The following ZNF385D variants were observed in gnomAD, a reference collection of about 807,000 sequenced individuals.
The protein encoded by ZNF385D is zinc finger protein 659.
Under a neutral mutation model 35.8 loss-of-function variants are expected in ZNF385D, and 15 were observed. That is an observed-to-expected ratio of 0.42 (90% CI 0.28 to 0.64). The LOEUF (loss-of-function observed/expected upper bound fraction) is 0.64, where lower values mean the gene tolerates loss of function less well. Ranked by LOEUF, ZNF385D falls within the 30% of genes least tolerant of loss-of-function variation. The probability of loss-of-function intolerance (pLI) is 0.23; values close to 1 mark genes in which losing one functional copy is unlikely to be tolerated. For missense variants in ZNF385D, 474 were observed against 494.6 expected, an observed-to-expected ratio of 0.96 and a Z score of 0.39; for synonymous variants, 212 against 186.8, an observed-to-expected ratio of 1.13 and a Z score of -1.10.
chr3:21,504,576 C>T (rs1471338796), intron 4 of ZNF385D, among the ~76,000 whole-genome samples: 2 of 152,050 alleles, frequency 1.3e-5, no homozygotes, highest in Non-Finnish European at 2.9e-5. Context: ...GAGGCATGCC[C>T]TCTAGCAATG....
At chr3:21,582,385 T>C (rs1575245386) in intron 2 of ZNF385D, among the ~76,000 whole-genome samples, 1 of 152,180 alleles carries the variant, frequency 6.6e-6, no homozygotes, top group East Asian at 1.9e-4. Context: ...TCTCCAACAG[T>C]TGACTTGCTT....
intron 3 of ZNF385D, among the ~76,000 whole-genome samples, chr3:22,141,000 A>G (rs754204893): frequency 7.2e-5 from 11 of 152,358 alleles, no homozygotes; most frequent in South Asian, 2.1e-4. Context: ...CACAAATTGT[A>G]TATCAATATC....
chr3:21,859,383 G>A (rs1234235895), intron 3 of ZNF385D, among the ~76,000 whole-genome samples: 1 of 150,718 alleles, frequency 6.6e-6, no homozygotes, highest in Non-Finnish European at 1.5e-5. Context: ...CTCTTAAGTA[G>A]TTAGTTGTCT....
chr3:21,719,299 G>A (rs995664705), intron 1 of ZNF385D, among the ~76,000 whole-genome samples: 2 of 152,174 alleles, frequency 1.3e-5, no homozygotes, highest in African/African-American at 4.8e-5. Context: ...ATACTGGTAA[G>A]AAGTGTCATA....
chr3:21,777,063 C>T (rs1267060541), intron 3 of ZNF385D, among the ~76,000 whole-genome samples: 3 of 151,942 alleles, frequency 2.0e-5, no homozygotes, highest in African/African-American at 4.8e-5. Flanking sequence ...CACATGGGAC[C>T]GTGTTGCCAA....
intron 3 of ZNF385D, among the ~76,000 whole-genome samples, chr3:21,936,432 G>T (rs1370217909): frequency 6.6e-6 from 1 of 151,352 alleles, no homozygotes; most frequent in East Asian, 1.9e-4. Context: ...TCTGTGCAAA[G>T]CAGCTTTTTC....
chr3:22,135,733 C>T (rs1704060030), intron 3 of ZNF385D, among the ~76,000 whole-genome samples: 1 of 152,146 alleles, frequency 6.6e-6, no homozygotes, highest in South Asian at 2.1e-4. Flanking sequence ...TTAAGACTTA[C>T]TATAGAACTA....
intron 2 of ZNF385D, among the ~76,000 whole-genome samples, chr3:21,588,002 A>G (rs1194191021): frequency 6.6e-6 from 1 of 152,172 alleles, no homozygotes. Context: ...TCAGTTTATA[A>G]TGACTACATT....
Position 21,483,396 on chromosome 3 carries a change from A to G in ZNF385D, c.439+27465T>C, listed in dbSNP as rs898251588. On this transcript the variant is annotated intron_variant, in intron 4 of 7. Coordinates refer to ENST00000281523, the MANE Select transcript of ZNF385D (RefSeq NM_024697.3). ...TTAATCCACTTGCCCAATGAAAGAC[A>G]GGTTGTTTCTACTGTATGTGAGGAT... is the stretch of plus-strand genomic sequence containing the variant. Among the ~76,000 whole-genome samples, 3 of 152,294 alleles carry G rather than the reference A, an allele frequency of 2.0e-5. No homozygotes were observed. The East Asian group carries it at 5.8e-4, about 29-fold the overall frequency.
At chr3:21,760,107 C>T (rs549045078) in intron 3 of ZNF385D, among the ~76,000 whole-genome samples, 41 of 152,248 alleles carry the variant, frequency 2.7e-4, no homozygotes, top group African/African-American at 7.2e-4. Context: ...TTCATTATCT[C>T]TCAATCTCGT....
At chr3:22,258,826 G>T (rs983902123) in intron 2 of ZNF385D, among the ~76,000 whole-genome samples, 1 of 151,498 alleles carries the variant, frequency 6.6e-6, no homozygotes, top group Non-Finnish European at 1.5e-5. Flanking sequence ...ATAAAAAATA[G>T]AAAAATAGCA....
At chr3:21,496,606 T>TATATATCATATATATATAC (rs1380121208) in intron 4 of ZNF385D, among the ~76,000 whole-genome samples, 2 of 148,430 alleles carry the variant, frequency 1.3e-5, no homozygotes, top group African/African-American at 4.9e-5. Flanking sequence ...ATATCTGATA[T>TATATATCATATATATATAC]ACTTCAGGTC....
intron 3 of ZNF385D, among the ~76,000 whole-genome samples, chr3:21,885,989 T>C (rs1698527917): frequency 6.6e-6 from 1 of 152,116 alleles, no homozygotes; most frequent in South Asian, 2.1e-4. Context: ...AGTCCACTGA[T>C]TTAAGTGTTA....
At position 22,021,078 on chromosome 3, in the gene ZNF385D, TAGAG is replaced by T. The variant is rs374167768; in HGVS notation, c.325+147735_325+147738del. ...AGCTAAAAATGTATACCCATGGACA[TAGAG>T]AGTGAAATGATAGGCAGAGACGCAA... On this transcript the variant is annotated intron_variant, in intron 3 of 5. Coordinates refer to the ZNF385D transcript ENST00000494108. Among the ~76,000 whole-genome samples, 831 of 151,814 alleles carry T rather than the reference TAGAG, an allele frequency of 5.5e-3. 8 individuals carry two copies. Among genetic ancestry groups the T allele is most frequent in the African/African-American group, 0.019 (771 of 41,432 alleles).
At chr3:22,056,992 G>A (rs367615160) in intron 3 of ZNF385D, among the ~76,000 whole-genome samples, 4 of 152,328 alleles carry the variant, frequency 2.6e-5, no homozygotes, top group Non-Finnish European at 5.9e-5. Flanking sequence ...GAAGGGAAGA[G>A]GTTGGAATAT....
At chr3:22,179,436 T>G (rs1464947206) in intron 2 of ZNF385D, among the ~76,000 whole-genome samples, 2 of 152,284 alleles carry the variant, frequency 1.3e-5, no homozygotes, top group African/African-American at 4.8e-5. Flanking sequence ...ACACTGATTT[T>G]GTATCCTGAG....
At chr3:21,980,624 C>T (rs773427315) in intron 3 of ZNF385D, among the ~76,000 whole-genome samples, 7 of 152,062 alleles carry the variant, frequency 4.6e-5, no homozygotes, top group Non-Finnish European at 1.0e-4. Flanking sequence ...TACATAAACA[C>T]ATGTCCCAGG....
intron 3 of ZNF385D, among the ~76,000 whole-genome samples, chr3:22,073,767 T>A (rs1275255779): frequency 6.6e-6 from 1 of 152,024 alleles, no homozygotes; most frequent in Non-Finnish European, 1.5e-5. Context: ...TACATTTGGA[T>A]GCTTTCTGAA....
At chr3:21,925,878 C>T (rs775321185) in intron 3 of ZNF385D, among the ~76,000 whole-genome samples, 5 of 152,108 alleles carry the variant, frequency 3.3e-5, no homozygotes, top group African/African-American at 4.8e-5. Context: ...AATGAAAAGG[C>T]ATTTAGCATC....
Sources: gnomAD v4.1 joint callset for allele counts (sites outside exome capture counted in the v4.1 genomes callset) on GRCh38, gnomAD v4.1.1 for gene constraint, MANE v1.5 for transcripts, NCBI Gene and HGNC (gene_info 2026-07-23, HGNC 2026-07-21) for gene names.